The following EPHA6 variants were observed in gnomAD, a reference collection of about 807,000 sequenced individuals.
The protein encoded by EPHA6 is ephrin type-A receptor 6.
A neutral mutation model predicts 112.0 loss-of-function variants in EPHA6; 50 were observed. The ratio of observed to expected loss-of-function variants is 0.45; its 90% CI spans 0.36 to 0.56. The LOEUF is 0.56. Among genes scored for constraint, EPHA6 ranks in the 20% least tolerant of loss-of-function variants. The probability of loss-of-function intolerance (pLI) is 0.00; values close to 1 mark genes in which losing one functional copy is unlikely to be tolerated. For synonymous variants in EPHA6, 529 were observed against 490.7 expected (o/e 1.08, Z -1.03); for missense variants, 1,280 against 1,417.4 (o/e 0.90, Z 1.56).
At chr3:97,339,037 C>T (rs2083186509) in intron 5 of EPHA6, among the ~76,000 whole-genome samples, 1 of 152,154 alleles carries the variant, frequency 6.6e-6, no homozygotes, top group South Asian at 2.1e-4. Context: ...GTCATCTCTG[C>T]TTAATGCTCT....
chr3:97,061,347 G>A (rs1180388713), intron 3 of EPHA6, among the ~76,000 whole-genome samples: 1 of 152,180 alleles, frequency 6.6e-6, no homozygotes, highest in African/African-American at 2.4e-5. Flanking sequence ...ACATTGAACT[G>A]GAGAGCCAGG....
chr3:97,025,100 G>A (rs1184802838), intron 3 of EPHA6, among the ~76,000 whole-genome samples: 1 of 152,116 alleles, frequency 6.6e-6, no homozygotes, highest in Non-Finnish European at 1.5e-5. Context: ...AGGGCAAGCT[G>A]TTCAAGCACT....
chr3:96,976,362 C>A (rs1390270654), intron 2 of EPHA6, among the ~76,000 whole-genome samples: 1 of 152,108 alleles, frequency 6.6e-6, no homozygotes, highest in Non-Finnish European at 1.5e-5. Flanking sequence ...TGAACACTTA[C>A]TATATTTTAC....
At chr3:97,374,888 G>A (rs1035563529) in intron 5 of EPHA6, among the ~76,000 whole-genome samples, 2 of 151,992 alleles carry the variant, frequency 1.3e-5, no homozygotes, top group African/African-American at 4.8e-5. Flanking sequence ...ATCCTTTAAT[G>A]ATATATACAA....
chr3:97,473,572 T>G (rs1362078214), intron 7 of EPHA6, among the ~76,000 whole-genome samples: 1 of 151,902 alleles, frequency 6.6e-6, no homozygotes, highest in Non-Finnish European at 1.5e-5. Flanking sequence ...AATTCTTGAA[T>G]TATGCTATTT....
At chr3:97,531,679 C>G (rs894216087) in intron 10 of EPHA6, among the ~76,000 whole-genome samples, 1 of 152,080 alleles carries the variant, frequency 6.6e-6, no homozygotes. Flanking sequence ...TCTTATACTT[C>G]TTTGAAACTC....
chr3:97,482,440 A>T (rs2091579349), intron 9 of EPHA6, among the ~76,000 whole-genome samples: 1 of 152,240 alleles, frequency 6.6e-6, no homozygotes, highest in African/African-American at 2.4e-5. Context: ...TCTTCAATGG[A>T]TGCTTTGAGA....
chr3:97,535,488 A>T (rs930097298), intron 11 of EPHA6, among the ~76,000 whole-genome samples: 1 of 152,078 alleles, frequency 6.6e-6, no homozygotes, highest in Admixed American at 6.6e-5. Context: ...GAAGGGAATA[A>T]TCCTCGTAAA....
At chr3:97,062,606 C>A (rs944969428) in intron 3 of EPHA6, among the ~76,000 whole-genome samples, 3 of 152,090 alleles carry the variant, frequency 2.0e-5, no homozygotes, top group African/African-American at 7.2e-5. Context: ...GTGGGAGGGA[C>A]CCAATGGGAG....
At chr3:97,516,270 C>G (rs1346456766) in intron 10 of EPHA6, among the ~76,000 whole-genome samples, 1 of 152,146 alleles carries the variant, frequency 6.6e-6, no homozygotes, top group Non-Finnish European at 1.5e-5. Context: ...GAAATGGAAG[C>G]CCTAACTTCT....
chr3:97,324,511 C>CTCTT (rs778298984), intron 5 of EPHA6, among the ~76,000 whole-genome samples: 13 of 23,390 alleles, frequency 5.6e-4, no homozygotes, highest in South Asian at 3.4e-3. Context: ...TCATCTCTTT[C>CTCTT]TCTTTCTTTC....
intron 9 of EPHA6, chr3:97,481,058 AC>A: frequency 2.3e-6 from 1 of 426,506 alleles, no homozygotes; most frequent in Non-Finnish European, 4.5e-6. Context: ...GAGGCTCCTC[AC>A]TTCCCAGACG....
At chr3:97,394,448 C>A (rs1179630796) in intron 5 of EPHA6, among the ~76,000 whole-genome samples, 1 of 151,684 alleles carries the variant, frequency 6.6e-6, no homozygotes, top group East Asian at 1.9e-4. Flanking sequence ...TAAAGCTCTG[C>A]ACAGCAAAGG....
At chr3:96,847,779 G>T (rs562704752) in intron 1 of EPHA6, among the ~76,000 whole-genome samples, 1 of 152,184 alleles carries the variant, frequency 6.6e-6, no homozygotes, top group African/African-American at 2.4e-5. Flanking sequence ...CCCTATGAAG[G>T]TATGAAGTAA....
rs1406095831 is a variant in EPHA6, at chr3:97,760,573, TG to T, written c.*11873del. 1 of 179,248 alleles carries T rather than the reference TG, an allele frequency of 5.6e-6. No homozygotes were observed. Among genetic ancestry groups the T allele is most frequent in the Non-Finnish European group, 1.2e-5 (1 of 83,648 alleles). 11.1% of individuals were successfully genotyped at this position (179,248 alleles called of 1,614,324 possible). ...AAAGATATAGATGTACATATACATA[TG>T]TATTTGATTAAACACTTTAAATTTT... On this transcript the variant is annotated 3_prime_UTR_variant, in exon 18 of 18. Coordinates refer to ENST00000389672, the MANE Select transcript of EPHA6 (RefSeq NM_001080448.3).
At chr3:96,864,027 T>A (rs9839914) in intron 1 of EPHA6, among the ~76,000 whole-genome samples, 30,428 of 151,904 alleles carry the variant, frequency 0.2, 5,147 homozygotes, top group African/African-American at 0.43. Flanking sequence ...CAATAATGAG[T>A]TACTGTTGCA....
At chr3:97,447,442 AG>A (rs551744919) in intron 6 of EPHA6, among the ~76,000 whole-genome samples, 136 of 152,268 alleles carry the variant, frequency 8.9e-4, no homozygotes, top group South Asian at 1.7e-3. Context: ...GAAAATCTCT[AG>A]GGTTTTTATG....
chr3:96,948,763 C>T (rs1472925317), intron 2 of EPHA6, among the ~76,000 whole-genome samples: 1 of 152,010 alleles, frequency 6.6e-6, no homozygotes, highest in Non-Finnish European at 1.5e-5. Flanking sequence ...AACAAAACAC[C>T]TATACCTAAT....
chr3:97,053,208 G>A (rs555995402), intron 3 of EPHA6, among the ~76,000 whole-genome samples: 16 of 152,148 alleles, frequency 1.1e-4, no homozygotes, highest in African/African-American at 1.9e-4. Context: ...ATGCCATCTC[G>A]GAATAAACGA....
Sources: gnomAD v4.1 joint callset for allele counts (sites outside exome capture counted in the v4.1 genomes callset) on GRCh38, gnomAD v4.1.1 for gene constraint, MANE v1.5 for transcripts, NCBI Gene and HGNC (gene_info 2026-07-23, HGNC 2026-07-21) for gene names.